The following FAXC variants were observed in gnomAD, a reference collection of about 807,000 sequenced individuals.
FAXC encodes the protein failed axon connections homolog, metaxin like GST domain containing.
In FAXC, 10 loss-of-function variants were observed where a neutral mutation model predicts 41.9. The observed-to-expected ratio is 0.24, with a 90% CI of 0.15 to 0.41. FAXC has a LOEUF of 0.41. FAXC is among the 10% of genes least tolerant of loss of function. The probability of loss-of-function intolerance (pLI) is 1.00; values close to 1 mark genes in which losing one functional copy is unlikely to be tolerated. For synonymous variants in FAXC, 183 were observed against 183.8 expected (o/e 1.00, Z 0.03); for missense variants, 399 against 510.9 (o/e 0.78, Z 2.11).
chr6:99,349,464 CGGAGGGCGCGGGCGGCGCGG>C lies in FAXC; in HGVS notation c.-112_-93del. ...GGCCCGGCGCGGGCTCAGAGGCGCGCGGAGGGCGCGGGCGGCGCGGGCGGCGGCGACTGAGGAGGCGGCGG... is the reference window on the plus strand; with the variant it reads ...GGCCCGGCGCGGGCTCAGAGGCGCGCGCGGCGGCGACTGAGGAGGCGGCGG... On this transcript the variant is annotated 5_prime_UTR_variant, in exon 1 of 6. Coordinates refer to ENST00000389677, the MANE Select transcript of FAXC (RefSeq NM_032511.4). 1 of 963,828 alleles carries C rather than the reference CGGAGGGCGCGGGCGGCGCGG, an allele frequency of 1.0e-6. No homozygotes were observed. The highest frequency in any genetic ancestry group is 1.2e-6 in the Non-Finnish European group (1 of 807,118). 59.7% of individuals were successfully genotyped at this position (963,828 alleles called of 1,614,324 possible).
intron 5 of FAXC, among the ~76,000 whole-genome samples, chr6:99,291,167 T>C (rs1315437981): frequency 2.6e-5 from 4 of 152,114 alleles, no homozygotes; most frequent in East Asian, 3.9e-4. Context: ...GAGGAAAGAG[T>C]GGCTTGAATG....
intron 5 of FAXC, among the ~76,000 whole-genome samples, chr6:99,282,622 T>C (rs1770881659): frequency 6.6e-6 from 1 of 152,094 alleles, no homozygotes; most frequent in African/African-American, 2.4e-5. Flanking sequence ...TAATTCCAAA[T>C]GAAAAAGAAA....
rs150664537 is a variant in FAXC, at chr6:99,311,142, T to C, written c.823+12302A>G. Among the ~76,000 whole-genome samples the C allele has an allele frequency of 1.5e-4, 23 of 152,312 alleles. 1 individual carries two copies. In the East Asian group the frequency reaches 4.0e-3, roughly 27 times the overall value. On this transcript the variant is annotated intron_variant, in intron 4 of 5. Transcript: ENST00000389677. ...ACGAATGCTTTAAAGCACTGAGACT[T>C]CAGCAGGGGTGAGTAGCAGCCTAAA...
intron 4 of FAXC, among the ~76,000 whole-genome samples, chr6:99,299,124 C>A (rs1180121844): frequency 6.6e-6 from 1 of 152,178 alleles, no homozygotes; most frequent in East Asian, 1.9e-4. Flanking sequence ...CTAGTCTCCA[C>A]TAACATACTT....
At position 99,271,854 on chromosome 6, in the gene FAXC, A is replaced by T. The variant is rs1022851817; in HGVS notation, c.*9310T>A. The T allele has an allele frequency of 6.6e-6, 1 of 152,158 alleles. No individual in the cohort carries two copies. The highest frequency in any genetic ancestry group is 2.4e-5 in the African/African-American group (1 of 41,426). The allele number at this position is 152,158 out of a possible 1,614,324, so 9.4% of individuals were successfully genotyped here. On this transcript the variant is annotated 3_prime_UTR_variant, in exon 6 of 6. Transcript: ENST00000389677. ...TAACAGTATTATTATTTGACCAAAG[A>T]TTTGGTCAAATTTTAAGATAGAATT...
At position 99,349,436 on chromosome 6, in the gene FAXC, C is replaced by A. The variant is rs1443686851; in HGVS notation, c.-64G>T. 2.5e-6 allele frequency: 3 copies of A among 1,183,296 alleles called. No homozygotes were observed. Among genetic ancestry groups the A allele is most frequent in the Admixed American group, 4.8e-5 (1 of 20,922 alleles). 73.3% of individuals were successfully genotyped at this position (1,183,296 alleles called of 1,614,324 possible). Reference sequence around the variant, plus strand: ...CGCCGCCCGCATGGGAAGGGGCCGGCGCGGCCCGGCGCGGGCTCAGAGGCG... The same window carrying A: ...CGCCGCCCGCATGGGAAGGGGCCGGAGCGGCCCGGCGCGGGCTCAGAGGCG... On this transcript the variant is annotated 5_prime_UTR_variant, in exon 1 of 6. Transcript: ENST00000389677.
chr6:99,305,284 C>T (rs1448198972), intron 4 of FAXC, among the ~76,000 whole-genome samples: 1 of 152,170 alleles, frequency 6.6e-6, no homozygotes, highest in African/African-American at 2.4e-5. Flanking sequence ...AGGCAATAGA[C>T]ATGAGGTGTT....
intron 4 of FAXC, among the ~76,000 whole-genome samples, chr6:99,316,204 C>T (rs1772345576): frequency 6.7e-6 from 1 of 149,406 alleles, no homozygotes; most frequent in African/African-American, 2.5e-5. Flanking sequence ...TCCTGAATAG[C>T]TCTGAGCTCT....
At position 99,323,549 on chromosome 6, in the gene FAXC, CT is replaced by C; in HGVS notation, c.717del (p.Gly240GlufsTer3). 6.2e-7 allele frequency: 1 copy of C among 1,614,248 alleles called. No individual in the cohort carries two copies. Among genetic ancestry groups the C allele is most frequent in the Non-Finnish European group, 8.5e-7 (1 of 1,180,048 alleles). On this transcript the variant is annotated frameshift_variant, in exon 4 of 6. Transcript: ENST00000389677. LOFTEE classifies it high-confidence loss of function. ...CCGTGCATCTCGCGTTTCACAATTC[CT>C]TTCGTTATGTGGCACACAACCCACC... ...LLRWVVCHIT[K>X]GIVKREMHGH...
At chr6:99,342,453 T>G (rs1341167356) in intron 2 of FAXC, among the ~76,000 whole-genome samples, 1 of 152,020 alleles carries the variant, frequency 6.6e-6, no homozygotes, top group Non-Finnish European at 1.5e-5. Flanking sequence ...CAAGTGATTC[T>G]CCTGCCTCAG....
At position 99,279,067 on chromosome 6, in the gene FAXC, T is replaced by C. The variant is rs972434885; in HGVS notation, c.*2097A>G. ...AGGTCTGCAGTCCACCTGTTCATTA[T>C]ATTCATATTTTCAGTCCAGGAGTCT... On this transcript the variant is annotated 3_prime_UTR_variant, in exon 6 of 6. Coordinates refer to ENST00000389677, the MANE Select transcript of FAXC (RefSeq NM_032511.4). 1 of 152,174 alleles carries C rather than the reference T, an allele frequency of 6.6e-6. No homozygotes were observed. Among genetic ancestry groups the C allele is most frequent in the Non-Finnish European group, 1.5e-5 (1 of 68,028 alleles). The allele number at this position is 152,174 out of a possible 1,614,324, so 9.4% of individuals were successfully genotyped here.
At chr6:99,346,815 G>T (rs920964489) in intron 1 of FAXC, among the ~76,000 whole-genome samples, 7 of 152,184 alleles carry the variant, frequency 4.6e-5, no homozygotes, top group Non-Finnish European at 7.4e-5. Context: ...TCCCTGAGCT[G>T]CAATTTCCTT....
rs1401614160 is a variant in FAXC, at chr6:99,280,562, A to G, written c.*602T>C. On this transcript the variant is annotated 3_prime_UTR_variant, in exon 6 of 6. Transcript: ENST00000389677. ...GAAATGAGGCACCCAATAGTTAATAAGAGATTTGCTCAAAATCACACAGCT... is the reference window on the plus strand; with the variant it reads ...GAAATGAGGCACCCAATAGTTAATAGGAGATTTGCTCAAAATCACACAGCT... The G allele has an allele frequency of 6.5e-6, 1 of 152,844 alleles. No individual in the cohort carries two copies. The highest frequency in any genetic ancestry group is 1.9e-4 in the East Asian group (1 of 5,206). The allele number at this position is 152,844 out of a possible 1,614,324, so 9.5% of individuals were successfully genotyped here.
chr6:99,338,046 A>G (rs1201547291), intron 2 of FAXC, among the ~76,000 whole-genome samples: 1 of 152,186 alleles, frequency 6.6e-6, no homozygotes, highest in African/African-American at 2.4e-5. Flanking sequence ...CACCCACTGC[A>G]TCAGTACAAA....
At chr6:99,308,148 T>C (rs1772001576) in intron 4 of FAXC, among the ~76,000 whole-genome samples, 1 of 152,018 alleles carries the variant, frequency 6.6e-6, no homozygotes, top group Non-Finnish European at 1.5e-5. Flanking sequence ...AATACAAAAA[T>C]TACCCAGGCA....
At chr6:99,333,643 T>C (rs917556782) in intron 2 of FAXC, 96 bp from the exon 3 acceptor site, 12 of 1,043,180 alleles carry the variant, frequency 1.2e-5, no homozygotes, top group Non-Finnish European at 1.6e-5. Context: ...TTATGTTTGA[T>C]AGTGACAGTA....
intron 4 of FAXC, among the ~76,000 whole-genome samples, chr6:99,308,737 T>C (rs1261573620): frequency 1.3e-5 from 2 of 152,174 alleles, no homozygotes; most frequent in Non-Finnish European, 2.9e-5. Context: ...GAAAAATGTT[T>C]AGTGTTTGCT....
At chr6:99,291,883 G>A in intron 4 of FAXC, 63 bp from the exon 5 acceptor site, 3 of 1,180,872 alleles carry the variant, frequency 2.5e-6, no homozygotes, top group Non-Finnish European at 3.8e-6. Flanking sequence ...CATCACAATG[G>A]CATTTAGCAC....
At chr6:99,334,502 A>C (rs906264435) in intron 2 of FAXC, 1 of 410,104 alleles carries the variant, frequency 2.4e-6, no homozygotes, top group Non-Finnish European at 3.3e-6. Context: ...GGATCTCTAG[A>C]CATTATCCCT....
Sources: gnomAD v4.1 joint callset for allele counts (sites outside exome capture counted in the v4.1 genomes callset) on GRCh38, gnomAD v4.1.1 for gene constraint, MANE v1.5 for transcripts, NCBI Gene and HGNC (gene_info 2026-07-23, HGNC 2026-07-21) for gene names.